Variants in ZFYVE26 observed in about 807,000 individuals in gnomAD.
The protein encoded by ZFYVE26 is zinc finger FYVE domain-containing protein 26.
A neutral mutation model predicts 276.5 loss-of-function variants in ZFYVE26; 181 were observed. That is an observed-to-expected ratio of 0.65 (90% CI 0.58 to 0.74). The LOEUF (loss-of-function observed/expected upper bound fraction) is 0.74. Among genes scored for constraint, ZFYVE26 ranks in the 30% least tolerant of loss-of-function variants. The probability of loss-of-function intolerance (pLI) is 0.00; values close to 1 mark genes in which losing one functional copy is unlikely to be tolerated. For synonymous variants in ZFYVE26, 1,129 were observed against 1,203.1 expected (o/e 0.94, Z 1.27); for missense variants, 2,821 against 3,097.9 (o/e 0.91, Z 2.12).
chr14:67,780,375 C>T, intron 22 of ZFYVE26, 30 bp from the exon 23 acceptor site: 6 of 1,580,234 alleles, frequency 3.8e-6, no homozygotes, highest in East Asian at 2.3e-5. Context: ...TCCGTCAAAC[C>T]ACACTGCAGC....
In ZFYVE26 at chr14:67,777,559, C is replaced by T. The variant is rs745702288; in HGVS notation, c.4974G>A (p.Lys1658=). The T allele has an allele frequency of 6.2e-7, 1 of 1,613,726 alleles. No homozygotes were observed. Among genetic ancestry groups the T allele is most frequent in the Non-Finnish European group, 8.5e-7 (1 of 1,179,950 alleles). Residue 1658 remains lysine, a splice_region_variant and synonymous_variant, in exon 25 of 42, where the codon AAG becomes AAA. Coordinates refer to ENST00000347230, the MANE Select transcript of ZFYVE26 (RefSeq NM_015346.4). The part of the protein sequence containing the change: ...REIQALYVGS[K]ILLTLPEQHR... ...CCTGGATTTCACGGTGTATCCTTACCTTGGATCCCACATACAGCGCCTGGA... is the reference window on the plus strand; with the variant it reads ...CCTGGATTTCACGGTGTATCCTTACTTTGGATCCCACATACAGCGCCTGGA...
At chr14:67,735,182 TCC>T (rs2038337350) in intron 13 of ZFYVE26, 2 of 1,297,748 alleles carry the variant, frequency 1.5e-6, no homozygotes, top group Non-Finnish European at 2.2e-6. Flanking sequence ...CCACAGTCGT[TCC>T]CCTTGTTCAG....
At chr14:67,797,579 G>T in intron 12 of ZFYVE26, 93 bp downstream of exon 12, 1 of 1,366,842 alleles carries the variant, frequency 7.3e-7, no homozygotes, top group Non-Finnish European at 1.0e-6. Context: ...CAACGCTTTT[G>T]TTGTTTTTGA....
At chr14:67,790,837 T>C (rs1476103720) in intron 14 of ZFYVE26, 64 bp from the exon 15 acceptor site, 14 of 1,471,610 alleles carry the variant, frequency 9.5e-6, no homozygotes, top group African/African-American at 4.2e-5. Context: ...TGTCCATGGA[T>C]AGGAGATCTT....
In ZFYVE26 at chr14:67,755,201, G is replaced by A. The variant is rs756181313; in HGVS notation, c.6836C>T (p.Ala2279Val). The A allele has an allele frequency of 1.2e-6, 2 of 1,614,162 alleles. No individual in the cohort carries two copies. The highest frequency in any genetic ancestry group is 1.7e-6 in the Non-Finnish European group (2 of 1,180,044). ...MTCIRFFSHK[A>V]KSYTELGEKL... ...CTCTCCCAGTTCTGTATATGACTTTGCTTTGTGACTGAAGAACCGAATACA... is the reference window on the plus strand; with the variant it reads ...CTCTCCCAGTTCTGTATATGACTTTACTTTGTGACTGAAGAACCGAATACA... The change falls in exon 37 of 42, where the codon GCA (alanine) becomes GTA (valine). Residue 2279 changes from alanine (A) to valine (V), a missense_variant. Transcript: ENST00000347230.
chr14:67,814,916 T>C (rs772859515), intron 2 of ZFYVE26, among the ~76,000 whole-genome samples: 3 of 152,130 alleles, frequency 2.0e-5, no homozygotes, highest in Non-Finnish European at 4.4e-5. Flanking sequence ...AGCATAACAG[T>C]CAAAGGAAGG....
rs149203489 is a variant in ZFYVE26, at chr14:67,790,647, C to T, written c.2680G>A (p.Ala894Thr). The change falls in exon 15 of 42, where the codon GCG (alanine) becomes ACG (threonine). Residue 894 changes from alanine (A) to threonine (T), a missense_variant. Coordinates refer to ENST00000347230, the MANE Select transcript of ZFYVE26 (RefSeq NM_015346.4). ...EHKIENQNSD[A>T]GSSTIRRTGS... ...GTTCTCCGAATGGTGCTGCTACCCG[C>T]ATCTGAGTTCTGGTTTTCAATCTTG... 3.9e-5 allele frequency: 63 copies of T among 1,614,064 alleles called. No homozygotes were observed. The highest frequency in any genetic ancestry group is 5.3e-5 in the Non-Finnish European group (62 of 1,180,022).
intron 37 of ZFYVE26, 53 bp from the exon 38 acceptor site, chr14:67,754,265 G>A: frequency 1.2e-6 from 2 of 1,611,886 alleles, no homozygotes; most frequent in South Asian, 1.1e-5. Context: ...CCAGGTGACT[G>A]AGGCCAGGAG....
At chr14:67,745,812 G>A (rs1223701113), downstream of ZFYVE26, among the ~76,000 whole-genome samples, 1 of 151,352 alleles carries the variant, frequency 6.6e-6, no homozygotes, top group Admixed American at 6.6e-5. Context: ...GATTGCTTAA[G>A]CCCAGAAGTT....
rs570388412 is a variant in ZFYVE26 at position 67,814,044 on chromosome 14, G to A, written c.215C>T (p.Pro72Leu). The A allele has an allele frequency of 1.9e-6, 3 of 1,613,874 alleles. No homozygotes were observed. The highest frequency in any genetic ancestry group is 4.5e-5 in the East Asian group (2 of 44,876). The change falls in exon 3 of 42, where the codon CCT becomes CTT. Residue 72 changes from proline to leucine, a missense_variant. Coordinates refer to ENST00000347230, the MANE Select transcript of ZFYVE26 (RefSeq NM_015346.4). ...AAGCCAGACCCAGGCTACTCTTTGAGGGTTGATGTCCTGCCCACATCTGAA... is the reference window on the plus strand; with the variant it reads ...AAGCCAGACCCAGGCTACTCTTTGAAGGTTGATGTCCTGCCCACATCTGAA... ...NLLRCGQDIN[P>L]QRVAWVWLLV...
chr14:67,778,325 C>T, intron 23 of ZFYVE26, 77 bp from the exon 24 acceptor site: 1 of 1,595,688 alleles, frequency 6.3e-7, no homozygotes, highest in South Asian at 1.1e-5. Context: ...GTCTACAAAG[C>T]CCCAGGAATG....
chr14:67,768,166 G>A (rs769458560), intron 30 of ZFYVE26, among the ~76,000 whole-genome samples: 25 of 152,318 alleles, frequency 1.6e-4, no homozygotes, highest in Middle Eastern at 3.4e-3. Flanking sequence ...GACAGATACA[G>A]GCCAAACTGT....
chr14:67,804,098 C>T lies in ZFYVE26; in HGVS notation c.1435+3G>A. On this transcript the variant is annotated splice_donor_region_variant and intron_variant, in intron 9 of 41. Transcript: ENST00000347230. Reference sequence around the variant, plus strand: ...CTGGCCAGGTCATTCCATCCCAACTCACCAGGCTCTTGCTGGGGGTCCTTG... The same window carrying T: ...CTGGCCAGGTCATTCCATCCCAACTTACCAGGCTCTTGCTGGGGGTCCTTG... 1 of 1,614,094 alleles carries T rather than the reference C, an allele frequency of 6.2e-7. No homozygotes were observed. The highest frequency in any genetic ancestry group is 8.5e-7 in the Non-Finnish European group (1 of 1,180,042).
intron 29 of ZFYVE26, among the ~76,000 whole-genome samples, chr14:67,768,837 A>G (rs1022190956): frequency 6.6e-6 from 1 of 152,222 alleles, no homozygotes; most frequent in Non-Finnish European, 1.5e-5. Context: ...ATCAGTAATC[A>G]TTATGGTAAA....
At chr14:67,752,265 G>C in intron 40 of ZFYVE26, 79 bp downstream of exon 40, 1 of 1,504,440 alleles carries the variant, frequency 6.6e-7, no homozygotes, top group African/African-American at 1.4e-5. Flanking sequence ...GGCACATTAT[G>C]GAAAACAGAA....
At chr14:67,802,392 C>A in intron 9 of ZFYVE26, 110 bp from the exon 10 acceptor site, 1 of 1,064,672 alleles carries the variant, frequency 9.4e-7, no homozygotes. Flanking sequence ...CTTGTAGGTT[C>A]TTACCCTCTC....
At chr14:67,751,402 T>G (rs751426436) in intron 40 of ZFYVE26, 4 of 473,178 alleles carry the variant, frequency 8.5e-6, no homozygotes, top group Non-Finnish European at 1.6e-5. Context: ...AAATGGATCA[T>G]GAACTTAGTG....
At chr14:67,770,598 C>T (rs983049376) in intron 28 of ZFYVE26, 2 of 151,988 alleles carry the variant, frequency 1.3e-5, no homozygotes, top group African/African-American at 2.4e-5. Context: ...CTTCTCTATA[C>T]ATCCATATTC....
intron 27 of ZFYVE26, among the ~76,000 whole-genome samples, 195 bp from the exon 28 acceptor site, chr14:67,772,405 C>T (rs2039236001): frequency 6.6e-6 from 1 of 152,188 alleles, no homozygotes; most frequent in Non-Finnish European, 1.5e-5. Flanking sequence ...ATGTGTACAC[C>T]ACCTGCTATC....
Sources: gnomAD v4.1 joint callset for allele counts (sites outside exome capture counted in the v4.1 genomes callset) on GRCh38, gnomAD v4.1.1 for gene constraint, MANE v1.5 for transcripts, NCBI Gene and HGNC (gene_info 2026-07-23, HGNC 2026-07-21) for gene names.